The following PCDHGA3 variants were observed in gnomAD, a reference collection of about 807,000 sequenced individuals.
PCDHGA3 encodes the protein protocadherin gamma subfamily A, 3, also known as protocadherin gamma-A3.
In PCDHGA3, 40 loss-of-function variants were observed where a neutral mutation model predicts 58.5. That is an observed-to-expected ratio of 0.68 (90% CI 0.53 to 0.89). The LOEUF (loss-of-function observed/expected upper bound fraction) is 0.89. Among genes scored for constraint, PCDHGA3 ranks in the 40% least tolerant of loss-of-function variants. The pLI, the probability that PCDHGA3 is intolerant of heterozygous loss-of-function variation, is 0.00. For synonymous variants in PCDHGA3, 530 were observed against 525.7 expected, an observed-to-expected ratio of 1.01 and a Z score of -0.11; for missense variants, 1,223 against 1,195.9, an observed-to-expected ratio of 1.02 and a Z score of -0.33.
chr5:141,360,083 AT>A (rs1761415587), intron 1 of PCDHGA3: 2 of 1,491,458 alleles, frequency 1.3e-6, no homozygotes, highest in Non-Finnish European at 8.9e-7. Flanking sequence ...GGATTCTGCC[AT>A]CCCCGGAAGG....
intron 1 of PCDHGA3, among the ~76,000 whole-genome samples, chr5:141,453,217 G>A (rs770914741): frequency 1.2e-4 from 19 of 152,100 alleles, no homozygotes; most frequent in Admixed American, 1.0e-3. Context: ...GCACTTAAGC[G>A]ATCCTCCCAC....
rs191916514 is a variant in PCDHGA3, at chr5:141,456,716, G to A, written c.2425-38091G>A. 3.9e-3 allele frequency among the ~76,000 whole-genome samples: 589 copies of A among 152,314 alleles called. 5 individuals carry two copies. Among genetic ancestry groups the A allele is most frequent in the Admixed American group, 0.011 (169 of 15,300 alleles). On this transcript the variant is annotated intron_variant, in intron 1 of 3. Transcript: ENST00000253812. ...GTGGTGGCTCGCGCCTGTAATCCCA[G>A]CACTTTGGGAGGCTGAGGCGGGAGC...
chr5:141,404,798 C>T (rs1422774939), intron 1 of PCDHGA3: 2 of 1,613,842 alleles, frequency 1.2e-6, no homozygotes, highest in Admixed American at 1.7e-5. Context: ...TGAGCCAGGG[C>T]TCTTCTCGGT....
intron 1 of PCDHGA3, chr5:141,362,185 C>A: frequency 6.2e-7 from 1 of 1,614,022 alleles, no homozygotes; most frequent in Middle Eastern, 1.6e-4. Context: ...GCCCTCTGAC[C>A]CCCAGGCAAA....
Position 141,346,420 on chromosome 5 carries a change from A to T in PCDHGA3, c.2387A>T (p.Asp796Val). 3 of 1,614,196 alleles carry T rather than the reference A, an allele frequency of 1.9e-6. No individual in the cohort carries two copies. The highest frequency in any genetic ancestry group is 2.5e-6 in the Non-Finnish European group (3 of 1,180,042). The stretch of plus-strand genomic sequence containing the variant: ...AGCGAGCCTCTTCTGATAACTCAGG[A>T]TTTACTTGAAATGAAAGGAGATTCC... The part of the protein sequence containing the change: ...EKSEPLLITQ[D>V]LLEMKGDSNL... The change falls in exon 1 of 4, where the codon GAT (aspartate) becomes GTT (valine). Residue 796 changes from aspartate (D) to valine (V), a missense_variant. Asp to Val is a radical substitution (Grantham distance 152). Coordinates refer to ENST00000253812, the MANE Select transcript of PCDHGA3 (RefSeq NM_018916.4).
chr5:141,508,627 C>T (rs566012494), intron 3 of PCDHGA3, among the ~76,000 whole-genome samples: 1 of 152,262 alleles, frequency 6.6e-6, no homozygotes, highest in South Asian at 2.1e-4. Flanking sequence ...GTGGGCCGAG[C>T]TTCTAGCTAC....
intron 2 of PCDHGA3, among the ~76,000 whole-genome samples, chr5:141,498,411 C>T (rs747823234): frequency 2.0e-5 from 3 of 152,158 alleles, no homozygotes; most frequent in Non-Finnish European, 4.4e-5. Context: ...TTTCTCTTTG[C>T]TGGCACTGGA....
In PCDHGA3 at chr5:141,487,715, C is replaced by T. The variant is rs1209272301; in HGVS notation, c.2425-7092C>T. 2.5e-6 allele frequency: 4 copies of T among 1,582,708 alleles called. No individual in the cohort carries two copies. The highest frequency in any genetic ancestry group is 1.8e-5 in the Admixed American group (1 of 54,696). The stretch of plus-strand genomic sequence containing the variant: ...GAGTACTGGCCTCTCAGTAAGTGCC[C>T]ATAGTGATGTCACCATTTTTGTAAG... On this transcript the variant is annotated intron_variant, in intron 1 of 3. Transcript: ENST00000253812. This position sits in a 1 kb window ranked among gnomAD's most constrained non-coding sequence, Gnocchi z 5.0.
chr5:141,365,474 A>G, intron 1 of PCDHGA3: 1 of 1,614,006 alleles, frequency 6.2e-7, no homozygotes, highest in Non-Finnish European at 8.5e-7. Flanking sequence ...AAATGGTGAG[A>G]TTGCATGCTC....
At chr5:141,395,088 C>G (rs778953049) in intron 1 of PCDHGA3, 31 of 1,614,076 alleles carry the variant, frequency 1.9e-5, no homozygotes, top group East Asian at 6.7e-5. Flanking sequence ...GGAAGTCTCC[C>G]TCACCGCCGA....
At chr5:141,464,657 T>G (rs575409062) in intron 1 of PCDHGA3, among the ~76,000 whole-genome samples, 1 of 152,312 alleles carries the variant, frequency 6.6e-6, no homozygotes, top group South Asian at 2.1e-4. Context: ...GGTAAAAAGA[T>G]ATCTCCAAAT....
At chr5:141,360,980 A>G in intron 1 of PCDHGA3, 1 of 1,613,832 alleles carries the variant, frequency 6.2e-7, no homozygotes, top group Non-Finnish European at 8.5e-7. Context: ...TACTCCTTTC[A>G]TAATGTGGAC....
In PCDHGA3 at chr5:141,389,617, A is replaced by G. The variant is rs375985151; in HGVS notation, c.2424+43160A>G. 179 of 1,612,924 alleles carry G rather than the reference A, an allele frequency of 1.1e-4. No individual in the cohort carries two copies. The Middle Eastern group carries it at 3.6e-3, about 32-fold the overall frequency. ...TCTGCGCTCTTCGATATGGTGCCGC[A>G]CGCTGCAGAGCCTGGCTACTTGGTG... is the stretch of plus-strand genomic sequence containing the variant. On this transcript the variant is annotated intron_variant, in intron 1 of 3. Transcript: ENST00000253812.
In PCDHGA3 at chr5:141,477,031, A is replaced by C; in HGVS notation, c.2425-17776A>C. Reference sequence around the variant, plus strand: ...TAGACCTTGTAACCGGGATGCTGACAATCAAGGGTCGGCTGGACTTCGAGG... The same window carrying C: ...TAGACCTTGTAACCGGGATGCTGACCATCAAGGGTCGGCTGGACTTCGAGG... On this transcript the variant is annotated intron_variant, in intron 1 of 3. Coordinates refer to ENST00000253812, the MANE Select transcript of PCDHGA3 (RefSeq NM_018916.4). This position sits in a 1 kb window ranked among gnomAD's most constrained non-coding sequence, Gnocchi z 4.9. The C allele has an allele frequency of 6.2e-7, 1 of 1,614,248 alleles. No individual in the cohort carries two copies. Among genetic ancestry groups the C allele is most frequent in the Non-Finnish European group, 8.5e-7 (1 of 1,180,040 alleles).
At chr5:141,360,621 T>G (rs1374902225) in intron 1 of PCDHGA3, 2 of 1,613,908 alleles carry the variant, frequency 1.2e-6, no homozygotes, top group Non-Finnish European at 1.7e-6. Context: ...ATTCAGATGT[T>G]GGTCCTAACT....
At chr5:141,483,967 G>C (rs2099589454) in intron 1 of PCDHGA3, among the ~76,000 whole-genome samples, 1 of 149,276 alleles carries the variant, frequency 6.7e-6, no homozygotes, top group African/African-American at 2.5e-5. Flanking sequence ...TTCTGTGCTT[G>C]TGCAAGGGAG....
Position 141,477,540 on chromosome 5 carries a change from C to T in PCDHGA3, c.2425-17267C>T, listed in dbSNP as rs777796922. On this transcript the variant is annotated intron_variant, in intron 1 of 3. Coordinates refer to ENST00000253812, the MANE Select transcript of PCDHGA3 (RefSeq NM_018916.4). The surrounding 1 kb of genome is among the most constrained non-coding windows in gnomAD (Gnocchi z 4.9). Reference sequence around the variant, plus strand: ...GAAGAAAACAACCTCCCCGGGGCTCCAATACTAAACCTAAGTGTCTGGGAC... The same window carrying T: ...GAAGAAAACAACCTCCCCGGGGCTCTAATACTAAACCTAAGTGTCTGGGAC... The T allele has an allele frequency of 6.8e-6, 11 of 1,614,036 alleles. 1 individual carries two copies. Among genetic ancestry groups the T allele is most frequent in the African/African-American group, 2.7e-5 (2 of 74,920 alleles).
At chr5:141,362,729 T>G in intron 1 of PCDHGA3, 1 of 807,602 alleles carries the variant, frequency 1.2e-6, no homozygotes, top group Non-Finnish European at 1.9e-6. Context: ...AAGTGTGAGA[T>G]TTATTTACCC....
At chr5:141,393,579 C>T (rs2092799952) in intron 1 of PCDHGA3, 2 of 1,613,888 alleles carry the variant, frequency 1.2e-6, no homozygotes, top group Non-Finnish European at 1.7e-6. Context: ...TGAGAACATG[C>T]CCCCAGGCAC....
Sources: gnomAD v4.1 joint callset for allele counts (sites outside exome capture counted in the v4.1 genomes callset) on GRCh38, gnomAD v4.1.1 for gene constraint, Gnocchi (gnomAD v3.1) non-coding constraint, MANE v1.5 for transcripts, NCBI Gene and HGNC (gene_info 2026-07-23, HGNC 2026-07-21) for gene names.